Variants in VPS13D observed in about 807,000 individuals in gnomAD.
VPS13D encodes intermembrane lipid transfer protein VPS13D.
Under a neutral mutation model 461.9 loss-of-function variants are expected in VPS13D, and 187 were observed. The observed-to-expected ratio is 0.40, with a 90% CI of 0.36 to 0.46. The LOEUF is 0.46. Among genes scored for constraint, VPS13D ranks in the 20% least tolerant of loss-of-function variants. The pLI is 0.60. For missense variants in VPS13D, 4,711 were observed against 5,364.9 expected, an observed-to-expected ratio of 0.88 and a Z score of 3.81; for synonymous variants, 1,951 against 1,986.3, an observed-to-expected ratio of 0.98 and a Z score of 0.47.
rs548087965 is a variant in VPS13D at position 12,397,483 on chromosome 1, T to C, written c.11635-2698T>C. On this transcript the variant is annotated intron_variant, in intron 60 of 69. Transcript: ENST00000620676. ...TGAAAGAACAAAGGAGAAGACAATA[T>C]GGTCGAGCCCTTTATTGCCATTTCA... is the stretch of plus-strand genomic sequence containing the variant. Among the ~76,000 whole-genome samples the C allele has an allele frequency of 2.6e-5, 4 of 152,328 alleles. No individual in the cohort carries two copies. In the East Asian group the frequency reaches 5.8e-4, roughly 22 times the overall value.
chr1:12,394,215 GA>G (rs1325792314), intron 60 of VPS13D, among the ~76,000 whole-genome samples: 1 of 152,194 alleles, frequency 6.6e-6, no homozygotes, highest in Non-Finnish European at 1.5e-5. Context: ...GAAATTGACT[GA>G]GGGGCCATGA....
At chr1:12,257,378 A>T (rs897493406) in intron 9 of VPS13D, among the ~76,000 whole-genome samples, 6 of 152,160 alleles carry the variant, frequency 3.9e-5, no homozygotes, top group African/African-American at 1.4e-4. Context: ...TCTGGTGTGT[A>T]TTATAAATAC....
At chr1:12,352,011 C>T (rs190278965) in intron 46 of VPS13D, among the ~76,000 whole-genome samples, 1 of 151,070 alleles carries the variant, frequency 6.6e-6, no homozygotes, top group East Asian at 1.9e-4. Context: ...AAAAGAAAGT[C>T]AAGTGCAGTG....
intron 9 of VPS13D, 85 bp downstream of exon 9, chr1:12,257,172 C>A: frequency 1.7e-6 from 2 of 1,205,122 alleles, no homozygotes; most frequent in African/African-American, 1.5e-5. Flanking sequence ...CCTCACTGTC[C>A]TTTACCCATG....
chr1:12,395,784 G>A (rs1644487010), intron 60 of VPS13D, among the ~76,000 whole-genome samples: 2 of 151,520 alleles, frequency 1.3e-5, no homozygotes, highest in South Asian at 2.1e-4. Flanking sequence ...TTCTCCAAAC[G>A]GTTCACGCCA....
At chr1:12,232,198 A>G (rs1297860173) in intron 1 of VPS13D, among the ~76,000 whole-genome samples, 1 of 152,198 alleles carries the variant, frequency 6.6e-6, no homozygotes, top group Non-Finnish European at 1.5e-5. Flanking sequence ...ATTTTACCAA[A>G]TGCTGTTTTT....
At chr1:12,448,315 A>G (rs150913995) in intron 65 of VPS13D, among the ~76,000 whole-genome samples, 2,883 of 152,226 alleles carry the variant, frequency 0.019, 110 homozygotes, top group Admixed American at 0.099. Flanking sequence ...ATTATAATCT[A>G]TCTCCTGGTT....
chr1:12,253,680 A>G (rs1390521228), intron 6 of VPS13D, 42 bp from the exon 7 acceptor site: 1 of 1,451,372 alleles, frequency 6.9e-7, no homozygotes, highest in South Asian at 1.1e-5. Flanking sequence ...TTCACGAATA[A>G]AGACAGTCAT....
At chr1:12,305,057 G>T (rs1173947676) in intron 26 of VPS13D, among the ~76,000 whole-genome samples, 1 of 152,158 alleles carries the variant, frequency 6.6e-6, no homozygotes, top group African/African-American at 2.4e-5. Flanking sequence ...CCTGCATTCT[G>T]CAAGCCACTA....
intron 1 of VPS13D, 139 bp downstream of exon 1, chr1:12,230,259 T>G (rs1359238632): frequency 1.3e-5 from 2 of 152,128 alleles, no homozygotes. Context: ...GCTAGGAGCC[T>G]GGGGGCCCCG....
rs148844935 is a variant in VPS13D, at chr1:12,312,316, G to A, written c.6935+391G>A. 5.9e-5 allele frequency among the ~76,000 whole-genome samples: 9 copies of A among 152,324 alleles called. No individual in the cohort carries two copies. The East Asian group carries it at 1.7e-3, about 29-fold the overall frequency. Reference sequence around the variant, plus strand: ...GAATGGTGTTGAATGGCAACTAAATGCTCTGGCAGACTTTGTGGAACTAAA... The same window carrying A: ...GAATGGTGTTGAATGGCAACTAAATACTCTGGCAGACTTTGTGGAACTAAA... On this transcript the variant is annotated intron_variant, in intron 29 of 69. Coordinates refer to ENST00000620676, the MANE Select transcript of VPS13D (RefSeq NM_015378.4).
rs892226141 is a variant in VPS13D at position 12,502,471 on chromosome 1, C to T, written c.12795-4382C>T. ...CGAGCTGAGGTCCCCTGAAGAGGGC[C>T]TGGCACTCAGAGCGACACTGGGCCC... is the stretch of plus-strand genomic sequence containing the variant. On this transcript the variant is annotated intron_variant, in intron 68 of 69. Coordinates refer to ENST00000620676, the MANE Select transcript of VPS13D (RefSeq NM_015378.4). This position sits in a 1 kb window ranked among gnomAD's most constrained non-coding sequence, Gnocchi z 4.3. Among the ~76,000 whole-genome samples the T allele has an allele frequency of 3.3e-5, 5 of 152,006 alleles. No homozygotes were observed. The highest frequency in any genetic ancestry group is 5.9e-5 in the Non-Finnish European group (4 of 67,996).
chr1:12,359,903 G>A (rs1188751722), intron 50 of VPS13D, among the ~76,000 whole-genome samples: 1 of 152,144 alleles, frequency 6.6e-6, no homozygotes, highest in Non-Finnish European at 1.5e-5. Flanking sequence ...TGCTGAGTTT[G>A]GCTTTCTGCT....
At chr1:12,426,559 C>T (rs1034635169) in intron 65 of VPS13D, among the ~76,000 whole-genome samples, 3 of 152,176 alleles carry the variant, frequency 2.0e-5, no homozygotes, top group African/African-American at 7.2e-5. Context: ...TCTTTCCTTA[C>T]CCTTTTCCCC....
intron 60 of VPS13D, among the ~76,000 whole-genome samples, chr1:12,394,711 A>G (rs957680918): frequency 1.5e-4 from 22 of 151,658 alleles, no homozygotes; most frequent in Admixed American, 3.9e-4. Flanking sequence ...AGTCTCCCTA[A>G]TCCTTTGGAT....
At chr1:12,309,954 C>T (rs574922792) in intron 27 of VPS13D, among the ~76,000 whole-genome samples, 5 of 152,124 alleles carry the variant, frequency 3.3e-5, no homozygotes, top group South Asian at 2.1e-4. Flanking sequence ...TTCAGTCTTA[C>T]GTGTTATTCA....
chr1:12,279,490 T>G lies in VPS13D; in HGVS notation c.4451-9T>G. ...TTTATGGTCTATCATTTCATCTCTT[T>G]TATGCCAGCTTTTCACATCCTGAAC... On this transcript the variant is annotated splice_polypyrimidine_tract_variant and intron_variant, in intron 19 of 69. Coordinates refer to ENST00000620676, the MANE Select transcript of VPS13D (RefSeq NM_015378.4). The surrounding 1 kb of genome is among the most constrained non-coding windows in gnomAD (Gnocchi z 4.3). 1 of 1,585,526 alleles carries G rather than the reference T, an allele frequency of 6.3e-7. No individual in the cohort carries two copies. The highest frequency in any genetic ancestry group is 8.6e-7 in the Non-Finnish European group (1 of 1,160,790).
intron 67 of VPS13D, among the ~76,000 whole-genome samples, chr1:12,485,070 A>G (rs564392258): frequency 9.8e-5 from 15 of 152,342 alleles, no homozygotes; most frequent in South Asian, 4.1e-4. Flanking sequence ...TCTCACCTCT[A>G]GTATCCTCTA....
intron 67 of VPS13D, among the ~76,000 whole-genome samples, chr1:12,484,973 C>A (rs892726700): frequency 6.6e-6 from 1 of 152,088 alleles, no homozygotes; most frequent in African/African-American, 2.4e-5. Context: ...CGTGTACACA[C>A]ACGTGTGTGT....
Sources: gnomAD v4.1 joint callset for allele counts (sites outside exome capture counted in the v4.1 genomes callset) on GRCh38, gnomAD v4.1.1 for gene constraint, Gnocchi (gnomAD v3.1) non-coding constraint, MANE v1.5 for transcripts, NCBI Gene and HGNC (gene_info 2026-07-23, HGNC 2026-07-21) for gene names.